The following MTA3 variants were observed in gnomAD, a reference collection of about 807,000 sequenced individuals.
MTA3 encodes metastasis-associated protein MTA3.
In MTA3, 34 loss-of-function variants were observed where a neutral mutation model predicts 83.5. The ratio of observed to expected loss-of-function variants is 0.41; its 90% CI spans 0.31 to 0.54. MTA3 has a LOEUF of 0.54. MTA3 is among the 20% of genes least tolerant of loss of function. MTA3 has a pLI of 0.33. For missense variants in MTA3, 761 were observed against 726.4 expected (o/e 1.05, Z -0.55); for synonymous variants, 303 against 252.7 (o/e 1.20, Z -1.89).
At chr2:42,542,271 G>A (rs1323285746) in intron 2 of MTA3, among the ~76,000 whole-genome samples, 1 of 152,198 alleles carries the variant, frequency 6.6e-6, no homozygotes, top group Non-Finnish European at 1.5e-5. Context: ...TCTCTGCGAA[G>A]GGGATGGGAA....
chr2:42,643,630 C>T (rs1242029110), intron 5 of MTA3, among the ~76,000 whole-genome samples: 5 of 152,026 alleles, frequency 3.3e-5, no homozygotes, highest in African/African-American at 9.7e-5. Context: ...AACAGTAAAC[C>T]ACATGTAAGT....
intron 2 of MTA3, among the ~76,000 whole-genome samples, chr2:42,537,149 C>T (rs1676283315): frequency 1.3e-5 from 2 of 152,276 alleles, no homozygotes; most frequent in South Asian, 2.1e-4. Flanking sequence ...ACTCTGTAAA[C>T]TCATCCCAGC....
Position 42,656,262 on chromosome 2 carries a change from C to A in MTA3, c.562C>A (p.Leu188Ile). ...EVKVWDPNSP[L>I]TDRQIDQFLV... Reference sequence around the variant, plus strand: ...TAAAGTTTGGGATCCAAATAGCCCACTTACGGATCGACAGATTGACCAGTT... The same window carrying A: ...TAAAGTTTGGGATCCAAATAGCCCAATTACGGATCGACAGATTGACCAGTT... The change falls in exon 7 of 17, where the codon CTT becomes ATT. Residue 188 changes from leucine to isoleucine, a missense_variant. Coordinates refer to ENST00000405094, the MANE Select transcript of MTA3 (RefSeq NM_001330442.2). 6 of 1,613,768 alleles carry A rather than the reference C, an allele frequency of 3.7e-6. No individual in the cohort carries two copies. Among genetic ancestry groups the A allele is most frequent in the Non-Finnish European group, 5.1e-6 (6 of 1,179,750 alleles).
At chr2:42,659,348 GA>G (rs551131582) in intron 7 of MTA3, among the ~76,000 whole-genome samples, 100 of 152,200 alleles carry the variant, frequency 6.6e-4, no homozygotes, top group African/African-American at 2.2e-3. Flanking sequence ...TATATTGGGG[GA>G]AAAATGTAAC....
At chr2:42,577,368 C>T (rs1356658733) in intron 2 of MTA3, among the ~76,000 whole-genome samples, 1 of 151,784 alleles carries the variant, frequency 6.6e-6, no homozygotes, top group Non-Finnish European at 1.5e-5. Context: ...TTGAACTATG[C>T]TCCCCGCCCC....
At chr2:42,658,461 G>A (rs1270816073) in intron 7 of MTA3, among the ~76,000 whole-genome samples, 1 of 152,180 alleles carries the variant, frequency 6.6e-6, no homozygotes, top group Non-Finnish European at 1.5e-5. Context: ...GTCGTACAAC[G>A]GAATGTCGCG....
intron 8 of MTA3, among the ~76,000 whole-genome samples, chr2:42,667,631 G>GT (rs1558562556): frequency 6.0e-5 from 7 of 116,790 alleles, no homozygotes; most frequent in Non-Finnish European, 9.2e-5. Context: ...AAGAGAGAGA[G>GT]AGAGAGAGAG....
intron 3 of MTA3, among the ~76,000 whole-genome samples, chr2:42,589,801 C>CT: frequency 6.6e-6 from 1 of 152,188 alleles, no homozygotes; most frequent in East Asian, 1.9e-4. Flanking sequence ...TACTGTGAAA[C>CT]TTTTTGATAT....
chr2:42,531,807 A>C lies in MTA3; in HGVS notation c.-141+36553A>C, dbSNP rs546547432. ...AGTCTCGCTCTGTCACCCAGGCTGG[A>C]GTGCAGTGGCACAATCTCGGCTCAC... On this transcript the variant is annotated intron_variant, in intron 2 of 17. Transcript: ENST00000405592. Among the ~76,000 whole-genome samples, 14 of 150,996 alleles carry C rather than the reference A, an allele frequency of 9.3e-5. No homozygotes were observed. The South Asian group carries it at 2.9e-3, about 32-fold the overall frequency.
intron 11 of MTA3, 105 bp downstream of exon 11, chr2:42,697,939 T>C (rs1042450539): frequency 2.2e-5 from 15 of 693,668 alleles, no homozygotes; most frequent in Non-Finnish European, 3.5e-5. Context: ...TTTGTGTATC[T>C]TTCTTCTTCT....
chr2:42,669,827 A>G (rs1690633682), intron 8 of MTA3, among the ~76,000 whole-genome samples: 2 of 152,186 alleles, frequency 1.3e-5, no homozygotes, highest in Non-Finnish European at 2.9e-5. Context: ...CAAATTTCAC[A>G]TGAATATAGA....
intron 5 of MTA3, among the ~76,000 whole-genome samples, chr2:42,643,046 C>CCT (rs1553372228): frequency 7.7e-5 from 5 of 65,114 alleles, no homozygotes; most frequent in African/African-American, 2.3e-4. Context: ...CCCCCCCCCC[C>CCT]TTTTTTTTTT....
At chr2:42,586,406 G>A (rs1680285339) in intron 3 of MTA3, among the ~76,000 whole-genome samples, 1 of 143,460 alleles carries the variant, frequency 7.0e-6, no homozygotes, top group South Asian at 2.2e-4. Context: ...GCAACACAGC[G>A]AGACCTCATA....
At chr2:42,564,563 T>A (rs1286278554), upstream of MTA3, among the ~76,000 whole-genome samples, 1 of 152,146 alleles carries the variant, frequency 6.6e-6, no homozygotes, top group Non-Finnish European at 1.5e-5. Context: ...TGAGACAGAC[T>A]GGCCTTTTCT....
intron 16 of MTA3, among the ~76,000 whole-genome samples, chr2:42,725,822 C>A (rs1419481026): frequency 6.6e-6 from 1 of 152,176 alleles, no homozygotes; most frequent in Non-Finnish European, 1.5e-5. Flanking sequence ...TGACACAGAG[C>A]CAGACAGCAA....
At chr2:42,715,090 T>C (rs1197252612) in intron 14 of MTA3, among the ~76,000 whole-genome samples, 2 of 152,358 alleles carry the variant, frequency 1.3e-5, no homozygotes, top group African/African-American at 4.8e-5. Context: ...TGGGGATTTC[T>C]CAGATTGCTT....
intron 16 of MTA3, among the ~76,000 whole-genome samples, chr2:42,731,405 C>T (rs1214392180): frequency 2.0e-5 from 3 of 152,208 alleles, no homozygotes; most frequent in Non-Finnish European, 2.9e-5. Context: ...ATTGGACTTA[C>T]AGTTCCATAT....
chr2:42,565,349 C>CTT (rs773703863), upstream of MTA3, among the ~76,000 whole-genome samples: 1 of 133,986 alleles, frequency 7.5e-6, no homozygotes, highest in South Asian at 2.5e-4. Context: ...AACTGGCTAA[C>CTT]TTTTTTTTTT....
At chr2:42,571,830 C>G (rs1678519717) in intron 2 of MTA3, among the ~76,000 whole-genome samples, 1 of 151,952 alleles carries the variant, frequency 6.6e-6, no homozygotes, top group Non-Finnish European at 1.5e-5. Context: ...GCCTGTAATC[C>G]CAGCCACTTG....
Sources: gnomAD v4.1 joint callset for allele counts (sites outside exome capture counted in the v4.1 genomes callset) on GRCh38, gnomAD v4.1.1 for gene constraint, MANE v1.5 for transcripts, NCBI Gene and HGNC (gene_info 2026-07-23, HGNC 2026-07-21) for gene names.